PAH: variants seen among roughly 807,000 people sequenced by gnomAD.
The protein encoded by PAH is phenylalanine-4-hydroxylase.
Under a neutral mutation model 62.0 loss-of-function variants are expected in PAH, and 64 were observed. That is an observed-to-expected ratio of 1.03 (90% CI 0.84 to 1.27). The LOEUF (loss-of-function observed/expected upper bound fraction) is 1.27. Ranked by LOEUF, PAH falls within the 50% of genes most tolerant of loss-of-function variation. The pLI, the probability that PAH is intolerant of heterozygous loss-of-function variation, is 0.00. For missense variants in PAH, 579 were observed against 542.8 expected, an observed-to-expected ratio of 1.07 and a Z score of -0.66; for synonymous variants, 195 against 196.2, an observed-to-expected ratio of 0.99 and a Z score of 0.05.
upstream of PAH, among the ~76,000 whole-genome samples, chr12:102,920,354 A>G (rs929800306): frequency 3.9e-5 from 6 of 152,214 alleles, no homozygotes; most frequent in Non-Finnish European, 2.9e-5. Flanking sequence ...AGAAGCATCC[A>G]CAGTCAGTCA....
intron 9 of PAH, 108 bp downstream of exon 9, chr12:102,846,787 T>C (rs1874862679): frequency 1.2e-6 from 1 of 867,706 alleles, no homozygotes; most frequent in Non-Finnish European, 2.0e-6. Context: ...CACATTCTGA[T>C]TTTTTTCCCC....
intron 4 of PAH, among the ~76,000 whole-genome samples, chr12:102,874,296 C>T (rs1363886225): frequency 6.6e-6 from 1 of 152,206 alleles, no homozygotes; most frequent in Non-Finnish European, 1.5e-5. Context: ...CAGTTGGATT[C>T]TGCCTGCCAA....
upstream of PAH, among the ~76,000 whole-genome samples, chr12:102,954,912 A>C (rs1879868281): frequency 6.6e-6 from 1 of 152,232 alleles, no homozygotes; most frequent in South Asian, 2.1e-4. Context: ...TGCAAACTCC[A>C]GGTTTACTTG....
rs1565854616 is a variant in PAH at position 102,868,032 on chromosome 12, ATATACACC to A, written c.442-1377_442-1370del. ...TATACATATATACATATATACATGT[ATATACACC>A]TATATATATGTATATATATACACAT... On this transcript the variant is annotated intron_variant, in intron 4 of 12. Coordinates refer to ENST00000553106, the MANE Select transcript of PAH (RefSeq NM_000277.3). Among the ~76,000 whole-genome samples, 53 of 123,522 alleles carry A rather than the reference ATATACACC, an allele frequency of 4.3e-4. 1 individual carries two copies. The highest frequency in any genetic ancestry group is 1.6e-3 in the African/African-American group (49 of 30,022). 81.0% of individuals were successfully genotyped at this position (123,522 alleles called of 152,430 possible).
intron 3 of PAH, among the ~76,000 whole-genome samples, chr12:102,882,469 A>G (rs575195996): frequency 6.6e-6 from 1 of 152,206 alleles, no homozygotes; most frequent in South Asian, 2.1e-4. Context: ...ATTGCTTTAT[A>G]AGAACAACAT....
chr12:102,908,404 TTATC>T (rs1878064971), intron 2 of PAH, among the ~76,000 whole-genome samples: 1 of 152,218 alleles, frequency 6.6e-6, no homozygotes, highest in Non-Finnish European at 1.5e-5. Flanking sequence ...AAAATGCTGA[TTATC>T]TAATATAAAA....
intron 8 of PAH, among the ~76,000 whole-genome samples, chr12:102,849,217 G>A (rs1370129910): frequency 6.6e-6 from 1 of 152,202 alleles, no homozygotes; most frequent in Non-Finnish European, 1.5e-5. Context: ...AAAGGAGTTG[G>A]TAATGTCCCA....
intron 8 of PAH, among the ~76,000 whole-genome samples, chr12:102,849,847 G>C (rs1875070871): frequency 6.6e-6 from 1 of 152,130 alleles, no homozygotes; most frequent in Non-Finnish European, 1.5e-5. Context: ...AGCAAGTCCT[G>C]CCTCTGATCA....
At chr12:102,944,781 C>A (rs575128178) in intron 1 of PAH, among the ~76,000 whole-genome samples, 1 of 151,982 alleles carries the variant, frequency 6.6e-6, no homozygotes, top group Non-Finnish European at 1.5e-5. Context: ...TTGGTGAGGT[C>A]GTGTTTTTCT....
chr12:102,904,722 C>T (rs766976163), intron 2 of PAH: 3 of 503,276 alleles, frequency 6.0e-6, no homozygotes, highest in Admixed American at 2.1e-5. Flanking sequence ...TTGTAAACTG[C>T]ACAGCTTAAA....
intron 1 of PAH, among the ~76,000 whole-genome samples, chr12:102,948,121 C>T (rs1879577261): frequency 6.6e-6 from 1 of 152,204 alleles, no homozygotes. Context: ...AAAAATTTGT[C>T]AGAGGGCTGA....
rs10860928 is a variant in PAH at position 102,843,972 on chromosome 12, C to G, written c.1066-193G>C. On this transcript the variant is annotated intron_variant, in intron 10 of 12. Coordinates refer to ENST00000553106, the MANE Select transcript of PAH (RefSeq NM_000277.3). ...TTCATAGCTCATCTAAAACCTACAG[C>G]CAAGGGAGAAAGGAGTAATTCATTC... Among the ~76,000 whole-genome samples the G allele has an allele frequency of 0.21, 32,383 of 152,042 alleles. 4,040 individuals carry two copies. Among genetic ancestry groups the G allele is most frequent in the Admixed American group, 0.36 (5,464 of 15,286 alleles).
chr12:102,896,986 A>T (rs965047133), intron 2 of PAH, among the ~76,000 whole-genome samples: 9 of 152,208 alleles, frequency 5.9e-5, no homozygotes, highest in Admixed American at 3.3e-4. Flanking sequence ...TTCTTTAACC[A>T]ATACCCTAGT....
At chr12:102,843,893 A>T in intron 10 of PAH, 114 bp from the exon 11 acceptor site, 1 of 1,176,598 alleles carries the variant, frequency 8.5e-7, no homozygotes, top group African/African-American at 1.5e-5. Context: ...TTCCTTCTAC[A>T]TCACAGCCCA....
At chr12:102,862,237 C>A (rs150309768) in intron 5 of PAH, among the ~76,000 whole-genome samples, 3,590 of 152,244 alleles carry the variant, frequency 0.024, 162 homozygotes, top group African/African-American at 0.082. Flanking sequence ...AAAATGACAT[C>A]ATGTCCTTTG....
intron 3 of PAH, among the ~76,000 whole-genome samples, chr12:102,891,631 G>T (rs893722851): frequency 6.6e-6 from 1 of 152,186 alleles, no homozygotes. Flanking sequence ...AGAGGCTCTT[G>T]TGACTCCCCT....
In PAH at chr12:102,889,164, C is replaced by T. The variant is rs114891093; in HGVS notation, c.352+5571G>A. Among the ~76,000 whole-genome samples the T allele has an allele frequency of 6.3e-3, 954 of 152,244 alleles. 17 individuals carry two copies. Among genetic ancestry groups the T allele is most frequent in the African/African-American group, 0.022 (927 of 41,522 alleles). The stretch of plus-strand genomic sequence containing the variant: ...TTGTCTCCTAAAAATTATGCATGCA[C>T]ACCCATGTATTATCTTGCCCACAAT... On this transcript the variant is annotated intron_variant, in intron 3 of 12. Coordinates refer to ENST00000553106, the MANE Select transcript of PAH (RefSeq NM_000277.3).
chr12:102,925,558 TTC>T (rs1202013535), intron 1 of PAH, among the ~76,000 whole-genome samples: 1 of 152,188 alleles, frequency 6.6e-6, no homozygotes, highest in East Asian at 1.9e-4. Context: ...CCTAAAACTG[TTC>T]TTTCTTCATC....
chr12:102,882,394 A>G (rs1266657903), intron 3 of PAH, among the ~76,000 whole-genome samples: 2 of 152,074 alleles, frequency 1.3e-5, no homozygotes, highest in Non-Finnish European at 2.9e-5. Context: ...AGGAAAAGTT[A>G]TTACATCTCT....
Sources: gnomAD v4.1 joint callset for allele counts (sites outside exome capture counted in the v4.1 genomes callset) on GRCh38, gnomAD v4.1.1 for gene constraint, MANE v1.5 for transcripts, NCBI Gene and HGNC (gene_info 2026-07-23, HGNC 2026-07-21) for gene names.